KIAA1549L: variants seen among roughly 807,000 people sequenced by gnomAD.
The protein encoded by KIAA1549L is UPF0606 protein KIAA1549L.
KIAA1549L carries 88 observed loss-of-function variants against 160.7 expected under a neutral mutation model. That is an observed-to-expected ratio of 0.55 (90% CI 0.46 to 0.65). The LOEUF (loss-of-function observed/expected upper bound fraction) is 0.65. Ranked by LOEUF, KIAA1549L falls within the 30% of genes least tolerant of loss-of-function variation. The probability of loss-of-function intolerance (pLI) is 0.00; values close to 1 mark genes in which losing one functional copy is unlikely to be tolerated. For synonymous variants in KIAA1549L, 950 were observed against 976.7 expected, an observed-to-expected ratio of 0.97 and a Z score of 0.51; for missense variants, 2,258 against 2,437.5, an observed-to-expected ratio of 0.93 and a Z score of 1.55.
chr11:33,544,387 A>G (rs1042061202), intron 2 of KIAA1549L, 51 bp downstream of exon 2: 3 of 1,575,096 alleles, frequency 1.9e-6, no homozygotes, highest in Non-Finnish European at 2.6e-6. Flanking sequence ...CAAAACAGGC[A>G]TGACTGCTTT....
rs1249139189 is a variant in KIAA1549L at position 33,673,750 on chromosome 11, T to C, written c.*5596T>C. 6.6e-6 allele frequency: 1 copy of C among 152,248 alleles called. No homozygotes were observed. Among genetic ancestry groups the C allele is most frequent in the Non-Finnish European group, 1.5e-5 (1 of 68,046 alleles). 9.4% of individuals were successfully genotyped at this position (152,248 alleles called of 1,614,324 possible). On this transcript the variant is annotated 3_prime_UTR_variant, in exon 21 of 21. Coordinates refer to ENST00000658780, the MANE Select transcript of KIAA1549L (RefSeq NM_012194.3). ...TACAGTCACATGTTCCATGACACCA[T>C]GTTTTGCCAAGGAAAAATAAAGAAA...
chr11:33,598,588 C>T (rs1850270682), intron 12 of KIAA1549L, among the ~76,000 whole-genome samples: 1 of 152,194 alleles, frequency 6.6e-6, no homozygotes, highest in Non-Finnish European at 1.5e-5. Flanking sequence ...AGGCTGCGCT[C>T]ACTGAACTCT....
At chr11:33,416,141 T>C (rs563301934) in intron 1 of KIAA1549L, among the ~76,000 whole-genome samples, 1 of 152,266 alleles carries the variant, frequency 6.6e-6, no homozygotes, top group Non-Finnish European at 1.5e-5. Context: ...TGACCACCCC[T>C]GAGTTACGCG....
intron 1 of KIAA1549L, among the ~76,000 whole-genome samples, chr11:33,468,706 A>G (rs886533865): frequency 2.0e-5 from 3 of 152,226 alleles, no homozygotes; most frequent in Non-Finnish European, 4.4e-5. Context: ...CATTCTCAGC[A>G]CTGCTTTGAA....
intron 13 of KIAA1549L, among the ~76,000 whole-genome samples, chr11:33,603,754 C>T (rs939790761): frequency 5.3e-5 from 8 of 150,618 alleles, no homozygotes; most frequent in South Asian, 2.1e-4. Context: ...TGCAGTGAGC[C>T]GAAATCATGC....
At chr11:33,425,697 A>T (rs1473842538) in intron 1 of KIAA1549L, among the ~76,000 whole-genome samples, 1 of 152,240 alleles carries the variant, frequency 6.6e-6, no homozygotes, top group Non-Finnish European at 1.5e-5. Context: ...GAAAGGCTGG[A>T]ATTCTATTTC....
Position 33,542,734 on chromosome 11 carries a change from G to A in KIAA1549L, c.1171G>A (p.Ala391Thr). 6.2e-7 allele frequency: 1 copy of A among 1,614,012 alleles called. No homozygotes were observed. The highest frequency in any genetic ancestry group is 1.3e-5 in the African/African-American group (1 of 75,080). ...SGPASTQQIK[A>T]GVPGRVHNGV... ...TCCTGCATCCACCCAGCAGATCAAA[G>A]CTGGGGTGCCTGGAAGAGTGCACAA... Residue 391 changes from alanine (A) to threonine (T), a missense_variant, in exon 2 of 21, where the codon GCT (alanine) becomes ACT (threonine). Coordinates refer to ENST00000658780, the MANE Select transcript of KIAA1549L (RefSeq NM_012194.3).
intron 1 of KIAA1549L, among the ~76,000 whole-genome samples, chr11:33,433,870 T>C (rs1027268317): frequency 2.6e-5 from 4 of 152,000 alleles, no homozygotes; most frequent in African/African-American, 9.7e-5. Flanking sequence ...TTCTCACTCA[T>C]AAGTGGGAGT....
At position 33,624,807 on chromosome 11, in the gene KIAA1549L, T is replaced by G. The variant is rs192387716; in HGVS notation, c.5409+6145T>G. On this transcript the variant is annotated intron_variant, in intron 16 of 20. Coordinates refer to ENST00000658780, the MANE Select transcript of KIAA1549L (RefSeq NM_012194.3). ...AGTTTTAGGGTACATGTGCACAATG[T>G]GCAGGTTAGATACATATGTATACAT... 2.7e-3 allele frequency among the ~76,000 whole-genome samples: 408 copies of G among 151,776 alleles called. 2 individuals are homozygous for G. Among genetic ancestry groups the G allele is most frequent in the African/African-American group, 9.5e-3 (392 of 41,332 alleles).
intron 1 of KIAA1549L, among the ~76,000 whole-genome samples, chr11:33,484,899 A>G (rs1852489256): frequency 6.6e-6 from 1 of 152,140 alleles, no homozygotes; most frequent in African/African-American, 2.4e-5. Flanking sequence ...ACTGGCCTTT[A>G]AAAGGCACCA....
intron 1 of KIAA1549L, among the ~76,000 whole-genome samples, chr11:33,501,467 G>A (rs759404419): frequency 6.6e-6 from 1 of 152,164 alleles, no homozygotes; most frequent in East Asian, 1.9e-4. Context: ...AGTACTATTT[G>A]TTGAGTCTTC....
At chr11:33,555,323 A>G (rs931396073) in intron 6 of KIAA1549L, among the ~76,000 whole-genome samples, 4 of 152,210 alleles carry the variant, frequency 2.6e-5, no homozygotes, top group Non-Finnish European at 4.4e-5. Flanking sequence ...TAAAATTCCC[A>G]TGGAATCTCA....
chr11:33,571,325 T>C (rs1855246501), intron 9 of KIAA1549L, among the ~76,000 whole-genome samples: 2 of 151,880 alleles, frequency 1.3e-5, no homozygotes, highest in African/African-American at 4.9e-5. Flanking sequence ...AAGAAATTCA[T>C]CTTGAGGACA....
At chr11:33,450,905 G>C (rs1403916171) in intron 1 of KIAA1549L, 2 of 152,400 alleles carry the variant, frequency 1.3e-5, no homozygotes, top group African/African-American at 4.8e-5. Context: ...TACTGATGGT[G>C]TAGCTGTGGC....
chr11:33,612,533 A>G (rs1174508172), intron 15 of KIAA1549L, among the ~76,000 whole-genome samples: 1 of 152,118 alleles, frequency 6.6e-6, no homozygotes, highest in Non-Finnish European at 1.5e-5. Context: ...CTGGGATTAC[A>G]GGCGTGAGCC....
intron 1 of KIAA1549L, among the ~76,000 whole-genome samples, chr11:33,500,347 C>T (rs1852918674): frequency 6.6e-6 from 1 of 152,130 alleles, no homozygotes; most frequent in Non-Finnish European, 1.5e-5. Flanking sequence ...TATATAAAGA[C>T]TCTCAAAAAG....
intron 6 of KIAA1549L, 97 bp downstream of exon 6, chr11:33,552,338 T>C (rs964117858): frequency 8.4e-6 from 11 of 1,309,696 alleles, no homozygotes; most frequent in African/African-American, 2.9e-5. Flanking sequence ...AGAGCTACCA[T>C]GTATAAATGT....
At chr11:33,596,061 C>T (rs777667580) in intron 12 of KIAA1549L, among the ~76,000 whole-genome samples, 24 of 152,140 alleles carry the variant, frequency 1.6e-4, no homozygotes, top group Admixed American at 3.3e-4. Flanking sequence ...GGCCGTGATT[C>T]GTGCCATGTT....
intron 1 of KIAA1549L, among the ~76,000 whole-genome samples, chr11:33,473,477 G>A (rs1387014802): frequency 2.0e-5 from 3 of 152,180 alleles, no homozygotes; most frequent in Admixed American, 6.5e-5. Flanking sequence ...AGAAAGACAC[G>A]CGTGAAGGCT....
Sources: gnomAD v4.1 joint callset for allele counts (sites outside exome capture counted in the v4.1 genomes callset) on GRCh38, gnomAD v4.1.1 for gene constraint, MANE v1.5 for transcripts, NCBI Gene and HGNC (gene_info 2026-07-23, HGNC 2026-07-21) for gene names.